MAF: variants seen among roughly 807,000 people sequenced by gnomAD.
MAF encodes MAF bZIP transcription factor.
MAF carries 10 observed loss-of-function variants against 22.0 expected under a neutral mutation model. That is an observed-to-expected ratio of 0.45 (90% CI 0.28 to 0.77). MAF has a LOEUF of 0.77. MAF is among the 30% of genes least tolerant of loss of function. The probability of loss-of-function intolerance (pLI) is 0.12; values close to 1 mark genes in which losing one functional copy is unlikely to be tolerated. For synonymous variants in MAF, 337 were observed against 255.8 expected, an observed-to-expected ratio of 1.32 and a Z score of -3.03; for missense variants, 544 against 548.4, an observed-to-expected ratio of 0.99 and a Z score of 0.08.
the MAF span, among the ~76,000 whole-genome samples, chr16:79,303,483 G>A: frequency 6.6e-6 from 1 of 152,182 alleles, no homozygotes; most frequent in Non-Finnish European, 1.5e-5. Flanking sequence ...TCCCTGCTGA[G>A]GCTAGATTCT....
the MAF span, among the ~76,000 whole-genome samples, chr16:79,385,299 G>T: frequency 6.6e-6 from 1 of 152,196 alleles, no homozygotes; most frequent in African/African-American, 2.4e-5. Flanking sequence ...CAACAGAGTT[G>T]CTCATTGGAT....
chr16:79,523,887 A>C, the MAF span, among the ~76,000 whole-genome samples: 1 of 152,210 alleles, frequency 6.6e-6, no homozygotes, highest in Non-Finnish European at 1.5e-5. Context: ...CATTCTTTCA[A>C]TGTAGAGGGA....
intron 1 of MAF, 43 bp downstream of exon 1, chr16:79,598,742 G>A (rs777074635): frequency 4.3e-6 from 7 of 1,613,160 alleles, no homozygotes; most frequent in South Asian, 1.1e-5. Context: ...CCCCCGCGGA[G>A]CACTTATCAG....
the MAF span, among the ~76,000 whole-genome samples, chr16:79,378,853 AATTTCCTGAATTAACATG>A: frequency 6.6e-6 from 1 of 152,208 alleles, no homozygotes; most frequent in Non-Finnish European, 1.5e-5. Flanking sequence ...TCTTACAAGA[AATTTCCTGAATTAACATG>A]ATTTCTTCAG....
chr16:79,595,281 G>A (rs1264659010), intron 1 of MAF: 1 of 1,049,640 alleles, frequency 9.5e-7, no homozygotes. Context: ...AAAATGTCGA[G>A]GTTACACACT....
At chr16:79,440,293 G>T in the MAF span, among the ~76,000 whole-genome samples, 1 of 152,334 alleles carries the variant, frequency 6.6e-6, no homozygotes, top group Non-Finnish European at 1.5e-5. Context: ...AGAGCCAGAA[G>T]GTGAGCACCC....
At chr16:79,354,804 G>A in the MAF span, among the ~76,000 whole-genome samples, 1 of 152,162 alleles carries the variant, frequency 6.6e-6, no homozygotes, top group Non-Finnish European at 1.5e-5. Flanking sequence ...TGATAAAGCT[G>A]TCTCAAAAGG....
At chr16:79,453,940 T>C in the MAF span, among the ~76,000 whole-genome samples, 1 of 152,142 alleles carries the variant, frequency 6.6e-6, no homozygotes, top group African/African-American at 2.4e-5. Context: ...GCTATTAAAA[T>C]TAGTTTATTG....
chr16:79,238,249 GC>G, the MAF span, among the ~76,000 whole-genome samples: 1 of 152,020 alleles, frequency 6.6e-6, no homozygotes, highest in Non-Finnish European at 1.5e-5. Context: ...CTGAATGCCA[GC>G]TTTTCCCAGG....
At chr16:79,539,561 C>T in the MAF span, among the ~76,000 whole-genome samples, 3 of 152,090 alleles carry the variant, frequency 2.0e-5, no homozygotes, top group African/African-American at 7.2e-5. Context: ...TTAACTATAA[C>T]AATTTTTCGT....
At chr16:79,314,969 T>C in the MAF span, among the ~76,000 whole-genome samples, 1 of 152,216 alleles carries the variant, frequency 6.6e-6, no homozygotes, top group Non-Finnish European at 1.5e-5. Flanking sequence ...ATTTCTCCAT[T>C]GTTCCTCTGC....
chr16:79,234,729 ACCAC>A, the MAF span, among the ~76,000 whole-genome samples: 1 of 152,040 alleles, frequency 6.6e-6, no homozygotes, highest in East Asian at 1.9e-4. Flanking sequence ...GTTAGCTGAT[ACCAC>A]CCCCAGCTGT....
At chr16:79,544,389 G>A in the MAF span, among the ~76,000 whole-genome samples, 2 of 152,136 alleles carry the variant, frequency 1.3e-5, no homozygotes, top group Non-Finnish European at 2.9e-5. Context: ...AAGTTTTACT[G>A]GACAGCACTG....
the MAF span, among the ~76,000 whole-genome samples, chr16:79,494,850 G>C: frequency 6.6e-6 from 1 of 152,122 alleles, no homozygotes; most frequent in Non-Finnish European, 1.5e-5. Context: ...CTATAAATTG[G>C]GGGTTCCCAA....
At chr16:79,485,706 C>CTCTGACACATTGA in the MAF span, among the ~76,000 whole-genome samples, 1 of 152,208 alleles carries the variant, frequency 6.6e-6, no homozygotes. Flanking sequence ...AATGTGTCTT[C>CTCTGACACATTGA]TCTGAGCAGG....
chr16:79,240,419 C>G, the MAF span, among the ~76,000 whole-genome samples: 1 of 141,342 alleles, frequency 7.1e-6, no homozygotes, highest in African/African-American at 2.5e-5. Context: ...CTCTAGCCAA[C>G]ATCATCTTCC....
the MAF span, among the ~76,000 whole-genome samples, chr16:79,486,612 G>C: frequency 6.6e-6 from 1 of 152,206 alleles, no homozygotes; most frequent in Non-Finnish European, 1.5e-5. Flanking sequence ...TTCAACCCAA[G>C]TTACGCAGCT....
At chr16:79,574,977 C>T in the MAF span, among the ~76,000 whole-genome samples, 3 of 151,338 alleles carry the variant, frequency 2.0e-5, no homozygotes, top group Non-Finnish European at 4.4e-5. Flanking sequence ...TGGGGTTCTT[C>T]TACTAGGAGT....
At chr16:79,315,431 TTATAGA>T in the MAF span, among the ~76,000 whole-genome samples, 1 of 152,218 alleles carries the variant, frequency 6.6e-6, no homozygotes, top group Non-Finnish European at 1.5e-5. Flanking sequence ...ATAAAATTTA[TTATAGA>T]TATATTTATA....
Sources: allele counts gnomAD v4.1 joint callset (sites outside exome capture counted in the v4.1 genomes callset), GRCh38; gene constraint gnomAD v4.1.1; transcripts MANE v1.5; gene names NCBI Gene and HGNC (gene_info 2026-07-23, HGNC 2026-07-21).